Variants in TAFA1 observed in about 807,000 individuals in gnomAD.
TAFA1 encodes the protein TAFA chemokine like family member 1, also known as chemokine-like protein TAFA-1.
In TAFA1, 4 loss-of-function variants were observed where a neutral mutation model predicts 18.5. The ratio of observed to expected loss-of-function variants is 0.22; its 90% CI spans 0.11 to 0.49. The LOEUF (loss-of-function observed/expected upper bound fraction) is 0.49, where lower values mean the gene tolerates loss of function less well. Among genes scored for constraint, TAFA1 ranks in the 20% least tolerant of loss-of-function variants. The pLI is 0.98. For synonymous variants in TAFA1, 56 were observed against 55.2 expected, an observed-to-expected ratio of 1.01 and a Z score of -0.06; for missense variants, 147 against 169.0, an observed-to-expected ratio of 0.87 and a Z score of 0.72.
chr3:68,069,896 G>T (rs2064730510), intron 2 of TAFA1, among the ~76,000 whole-genome samples: 1 of 152,204 alleles, frequency 6.6e-6, no homozygotes, highest in South Asian at 2.1e-4. Flanking sequence ...CAAGAGGTGG[G>T]TTCCCATGGT....
intron 2 of TAFA1, among the ~76,000 whole-genome samples, chr3:68,038,957 T>A (rs1361139602): frequency 6.6e-6 from 1 of 152,182 alleles, no homozygotes; most frequent in East Asian, 1.9e-4. Context: ...GTCACCCATA[T>A]CTGCATTTTA....
At chr3:68,117,581 T>C (rs1203690293) in intron 2 of TAFA1, among the ~76,000 whole-genome samples, 1 of 152,226 alleles carries the variant, frequency 6.6e-6, no homozygotes, top group Non-Finnish European at 1.5e-5. Context: ...CCTTGGGCAG[T>C]GGGCTACTTC....
chr3:68,208,231 A>C (rs2066550627), intron 2 of TAFA1, among the ~76,000 whole-genome samples: 1 of 151,906 alleles, frequency 6.6e-6, no homozygotes, highest in African/African-American at 2.4e-5. Context: ...ATTTTATTTC[A>C]ATAACATGCA....
chr3:68,486,332 T>G (rs2072339488), intron 3 of TAFA1, among the ~76,000 whole-genome samples: 1 of 152,018 alleles, frequency 6.6e-6, no homozygotes, highest in Admixed American at 6.6e-5. Context: ...TACAGGATTG[T>G]TTTTGCTTTG....
At chr3:68,308,181 G>A (rs955748974) in intron 2 of TAFA1, among the ~76,000 whole-genome samples, 6 of 152,082 alleles carry the variant, frequency 3.9e-5, no homozygotes, top group Non-Finnish European at 5.9e-5. Context: ...GAGGACCCCA[G>A]AAGGCTTTAT....
chr3:68,103,564 C>T (rs940447823), intron 2 of TAFA1, among the ~76,000 whole-genome samples: 22 of 152,032 alleles, frequency 1.4e-4, no homozygotes, highest in African/African-American at 5.3e-4. Flanking sequence ...AGAGGAAAAG[C>T]CACAAGATTA....
At chr3:68,230,181 C>G (rs2066854857) in intron 2 of TAFA1, among the ~76,000 whole-genome samples, 1 of 152,092 alleles carries the variant, frequency 6.6e-6, no homozygotes, top group South Asian at 2.1e-4. Context: ...TAACTACAGT[C>G]ACTCTATGTG....
chr3:68,095,492 A>G (rs1462397574), intron 2 of TAFA1, among the ~76,000 whole-genome samples: 1 of 152,138 alleles, frequency 6.6e-6, no homozygotes, highest in Non-Finnish European at 1.5e-5. Context: ...ATCAGGACCC[A>G]CTTTCCATGG....
At chr3:68,144,949 A>C in intron 2 of TAFA1, 1 of 819,806 alleles carries the variant, frequency 1.2e-6, no homozygotes, top group Non-Finnish European at 2.1e-6. Flanking sequence ...GATAATATAA[A>C]ATAATGACTA....
chr3:68,251,105 C>G (rs1202371038), intron 2 of TAFA1, among the ~76,000 whole-genome samples: 1 of 152,018 alleles, frequency 6.6e-6, no homozygotes, highest in Non-Finnish European at 1.5e-5. Flanking sequence ...AATTATTAGT[C>G]TATTATACAC....
In TAFA1 at chr3:68,479,241, A is replaced by ATAT. The variant is rs1553695290; in HGVS notation, c.260-59515_260-59514insTAT. 6.4e-3 allele frequency among the ~76,000 whole-genome samples: 796 copies of ATAT among 123,644 alleles called. 10 individuals carry two copies. Among genetic ancestry groups the ATAT allele is most frequent in the East Asian group, 0.043 (175 of 4,026 alleles). 81.1% of individuals were successfully genotyped at this position (123,644 alleles called of 152,430 possible). On this transcript the variant is annotated intron_variant, in intron 3 of 4. Coordinates refer to ENST00000478136, the MANE Select transcript of TAFA1 (RefSeq NM_213609.4). ...TGAGACTCCATCTCAAAAAAAAAAA[A>ATAT]ATATATATATATATATATATATGTC...
At chr3:68,108,434 AGGTG>A (rs1335921237) in intron 2 of TAFA1, among the ~76,000 whole-genome samples, 4 of 96,210 alleles carry the variant, frequency 4.2e-5, no homozygotes, top group Non-Finnish European at 8.8e-5. Context: ...TTTTATTTGA[AGGTG>A]TGTGTGTGTG....
chr3:68,090,310 G>A (rs902686720), intron 2 of TAFA1, among the ~76,000 whole-genome samples: 1 of 152,096 alleles, frequency 6.6e-6, no homozygotes, highest in Admixed American at 6.5e-5. Flanking sequence ...GCGAGATCAC[G>A]TGTACCCTTT....
chr3:68,306,787 A>G (rs1288042564), intron 2 of TAFA1, among the ~76,000 whole-genome samples: 1 of 152,140 alleles, frequency 6.6e-6, no homozygotes, highest in Non-Finnish European at 1.5e-5. Flanking sequence ...CCTACACAGG[A>G]GCAGGGGTGG....
chr3:68,049,571 G>A (rs996019477), intron 2 of TAFA1, among the ~76,000 whole-genome samples: 2 of 151,986 alleles, frequency 1.3e-5, no homozygotes, highest in African/African-American at 4.8e-5. Flanking sequence ...ACTACTATCA[G>A]GCCTGGGGAA....
At chr3:68,168,407 C>A (rs73834869) in intron 2 of TAFA1, among the ~76,000 whole-genome samples, 2,661 of 152,254 alleles carry the variant, frequency 0.017, 88 homozygotes, top group African/African-American at 0.06. Context: ...GTTAATTCTC[C>A]CTTGTATATT....
At chr3:68,200,410 T>G (rs1002059588) in intron 2 of TAFA1, among the ~76,000 whole-genome samples, 2 of 151,648 alleles carry the variant, frequency 1.3e-5, no homozygotes, top group Non-Finnish European at 3.0e-5. Flanking sequence ...AGAATTGATA[T>G]AACTTCTTCC....
intron 2 of TAFA1, among the ~76,000 whole-genome samples, chr3:68,255,372 G>T (rs2067278229): frequency 6.6e-6 from 1 of 152,060 alleles, no homozygotes; most frequent in Non-Finnish European, 1.5e-5. Context: ...GGTTCTGATT[G>T]CAGTAATCAT....
At chr3:68,488,224 A>G (rs149122931) in intron 3 of TAFA1, among the ~76,000 whole-genome samples, 1 of 152,188 alleles carries the variant, frequency 6.6e-6, no homozygotes, top group South Asian at 2.1e-4. Context: ...CAGAGTCCCA[A>G]AGCTGAAGAA....
Sources: gnomAD v4.1 joint callset for allele counts (sites outside exome capture counted in the v4.1 genomes callset) on GRCh38, gnomAD v4.1.1 for gene constraint, MANE v1.5 for transcripts, NCBI Gene and HGNC (gene_info 2026-07-23, HGNC 2026-07-21) for gene names.